Variants in ANKS1B observed in about 807,000 individuals in gnomAD.
ANKS1B encodes ankyrin repeat and sterile alpha motif domain containing 1B.
A neutral mutation model predicts 148.3 loss-of-function variants in ANKS1B; 36 were observed. The ratio of observed to expected loss-of-function variants is 0.24; its 90% CI spans 0.19 to 0.32. The LOEUF is 0.32. Among genes scored for constraint, ANKS1B ranks in the 10% least tolerant of loss-of-function variants. The pLI is 1.00. For synonymous variants in ANKS1B, 542 were observed against 560.8 expected (o/e 0.97, Z 0.47); for missense variants, 1,157 against 1,542.6 (o/e 0.75, Z 4.19).
chr12:98,740,695 C>G (rs2097794125), downstream of ANKS1B, among the ~76,000 whole-genome samples: 1 of 152,248 alleles, frequency 6.6e-6, no homozygotes, highest in Non-Finnish European at 1.5e-5. Flanking sequence ...TCCTCACTAA[C>G]AACCCCTGCA....
chr12:99,432,311 T>C (rs1292629138), intron 11 of ANKS1B, among the ~76,000 whole-genome samples: 1 of 152,198 alleles, frequency 6.6e-6, no homozygotes, highest in African/African-American at 2.4e-5. Flanking sequence ...TATTCAAACA[T>C]AAAGGTCACT....
chr12:98,769,188 T>TTTTTTTTTTTTTTTTC (rs2098534304), intron 25 of ANKS1B, among the ~76,000 whole-genome samples: 1 of 138,514 alleles, frequency 7.2e-6, no homozygotes, highest in African/African-American at 2.9e-5. Flanking sequence ...TTTTTTTTTT[T>TTTTTTTTTTTTTTTTC]TTTTTTGCCA....
intron 10 of ANKS1B, among the ~76,000 whole-genome samples, chr12:99,481,032 T>A (rs191679692): frequency 1.5e-4 from 22 of 151,468 alleles, no homozygotes; most frequent in South Asian, 4.2e-4. Flanking sequence ...TGTCTTTTTT[T>A]AAAAAAAAAT....
chr12:98,782,104 C>A, intron 23 of ANKS1B, 22 bp downstream of exon 23: 2 of 1,591,568 alleles, frequency 1.3e-6, no homozygotes, highest in Non-Finnish European at 1.7e-6. Context: ...AATAATCACA[C>A]TAAACATCAA....
chr12:99,255,286 ATTC>A (rs2075123728), intron 12 of ANKS1B, among the ~76,000 whole-genome samples: 1 of 152,050 alleles, frequency 6.6e-6, no homozygotes, highest in African/African-American at 2.4e-5. Flanking sequence ...AAAATTATTC[ATTC>A]TTCTTTCTTA....
intron 1 of ANKS1B, among the ~76,000 whole-genome samples, chr12:99,911,168 G>A (rs534463676): frequency 4.6e-5 from 7 of 152,200 alleles, no homozygotes; most frequent in African/African-American, 7.2e-5. Context: ...TTTAAACTCC[G>A]GTCACTGCAC....
chr12:99,763,926 T>C (rs184007407), intron 8 of ANKS1B, among the ~76,000 whole-genome samples: 152 of 152,334 alleles, frequency 1.0e-3, no homozygotes, highest in Non-Finnish European at 1.1e-3. Flanking sequence ...CTTAAGATCC[T>C]AGCGATATAT....
At chr12:99,497,480 C>T (rs543745076) in intron 10 of ANKS1B, among the ~76,000 whole-genome samples, 56 of 152,226 alleles carry the variant, frequency 3.7e-4, no homozygotes, top group African/African-American at 1.2e-3. Context: ...GGGATGGTTC[C>T]TTCTGTGGGC....
chr12:99,168,317 G>A (rs1211949743), intron 14 of ANKS1B, among the ~76,000 whole-genome samples: 1 of 152,124 alleles, frequency 6.6e-6, no homozygotes, highest in African/African-American at 2.4e-5. Context: ...AAGAGTATGA[G>A]ATCAGCCTGG....
intron 10 of ANKS1B, among the ~76,000 whole-genome samples, chr12:99,495,796 C>G (rs979828016): frequency 1.2e-4 from 18 of 152,156 alleles, no homozygotes; most frequent in Admixed American, 1.0e-3. Context: ...AACATTTGTT[C>G]TAGTCCAGTC....
At chr12:99,225,967 T>C (rs2085868195) in intron 14 of ANKS1B, among the ~76,000 whole-genome samples, 1 of 152,246 alleles carries the variant, frequency 6.6e-6, no homozygotes, top group Non-Finnish European at 1.5e-5. Context: ...ATTTTCTTTG[T>C]TCTCCTTTTT....
At chr12:99,456,343 G>C (rs1409981097) in intron 10 of ANKS1B, among the ~76,000 whole-genome samples, 1 of 152,016 alleles carries the variant, frequency 6.6e-6, no homozygotes, top group Non-Finnish European at 1.5e-5. Flanking sequence ...AAACAATTCT[G>C]GTAATATGAC....
chr12:98,976,643 C>A (rs1039614392), intron 17 of ANKS1B: 1 of 152,122 alleles, frequency 6.6e-6, no homozygotes, highest in Non-Finnish European at 1.5e-5. Flanking sequence ...AAGAAGAGCC[C>A]AGCAGATGCA....
intron 10 of ANKS1B, among the ~76,000 whole-genome samples, chr12:99,453,053 G>T (rs1015121110): frequency 6.6e-6 from 1 of 152,154 alleles, no homozygotes; most frequent in African/African-American, 2.4e-5. Context: ...CACTTTGGGA[G>T]GCCAAGGTGG....
intron 15 of ANKS1B, among the ~76,000 whole-genome samples, chr12:99,124,448 C>G (rs7964358): frequency 0.66 from 100,318 of 150,986 alleles, 33,509 homozygotes; most frequent in East Asian, 0.83. Flanking sequence ...GTGTGTAAGG[C>G]AGAATGGAGT....
chr12:99,696,623 T>C (rs562566059), intron 8 of ANKS1B, among the ~76,000 whole-genome samples: 1 of 152,262 alleles, frequency 6.6e-6, no homozygotes, highest in Admixed American at 6.5e-5. Context: ...ATAAAACTTC[T>C]AGAAGATAAC....
intron 12 of ANKS1B, among the ~76,000 whole-genome samples, chr12:99,369,889 T>C (rs1174254730): frequency 1.3e-5 from 2 of 151,614 alleles, no homozygotes; most frequent in Admixed American, 1.3e-4. Context: ...GATAGATAGA[T>C]AGATAAAATA....
At chr12:99,466,162 A>G (rs1343641773) in intron 10 of ANKS1B, among the ~76,000 whole-genome samples, 2 of 152,216 alleles carry the variant, frequency 1.3e-5, no homozygotes, top group Non-Finnish European at 2.9e-5. Context: ...CTACATGGAA[A>G]CTGAACAAAC....
intron 17 of ANKS1B, among the ~76,000 whole-genome samples, chr12:98,883,834 ATT>A (rs2099724705): frequency 6.6e-6 from 1 of 152,312 alleles, no homozygotes; most frequent in East Asian, 1.9e-4. Context: ...TGTGTTTGAT[ATT>A]GTTATTTTTT....
Sources: gnomAD v4.1 joint callset for allele counts (sites outside exome capture counted in the v4.1 genomes callset) on GRCh38, gnomAD v4.1.1 for gene constraint, MANE v1.5 for transcripts, NCBI Gene and HGNC (gene_info 2026-07-23, HGNC 2026-07-21) for gene names.